The following TACC2 variants were observed in gnomAD, a reference collection of about 807,000 sequenced individuals.
TACC2 encodes transforming acidic coiled-coil containing protein 2, also known as transforming acidic coiled-coil-containing protein 2.
Under a neutral mutation model 227.3 loss-of-function variants are expected in TACC2, and 137 were observed. That is an observed-to-expected ratio of 0.60 (90% CI 0.52 to 0.69). The LOEUF is 0.69. TACC2 is among the 30% of genes least tolerant of loss of function. TACC2 has a pLI of 0.00. For synonymous variants in TACC2, 1,523 were observed against 1,487.5 expected (o/e 1.02, Z -0.55); for missense variants, 3,470 against 3,694.4 (o/e 0.94, Z 1.57).
intron 1 of TACC2, among the ~76,000 whole-genome samples, chr10:122,020,801 GT>G (rs1957239028): frequency 6.6e-6 from 1 of 152,114 alleles, no homozygotes; most frequent in African/African-American, 2.4e-5. Context: ...CTGTAATTTA[GT>G]TTTTCTAACT....
intron 7 of TACC2, among the ~76,000 whole-genome samples, chr10:122,175,431 C>G (rs752013165): frequency 4.2e-4 from 64 of 152,322 alleles, no homozygotes; most frequent in Non-Finnish European, 7.9e-4. Context: ...CCCCTTCATT[C>G]CCGTGCTAAT....
rs767537356 is a variant in TACC2, at chr10:122,087,862, G to A, written c.5362G>A (p.Gly1788Arg). ...QPGPERPIPA[G>R]DGKVCVSSPP... The stretch of plus-strand genomic sequence containing the variant: ...AGGGCCTGAGCGCCCCATTCCAGCT[G>A]GGGATGGGAAGGTGTGCGTCTCCTC... The change falls in exon 4 of 23, where the codon GGG (glycine) becomes AGG (arginine). Residue 1788 changes from glycine (G) to arginine (R), a missense_variant. Physicochemically the swap from Gly to Arg is moderately radical, Grantham distance 125 (BLOSUM62 -2). This residue lies in a region of TACC2 where 1,924 missense variants were observed against 1,978.3 expected (regional missense o/e 0.97). Coordinates refer to ENST00000369005, the MANE Select transcript of TACC2 (RefSeq NM_206862.4). 26 of 1,523,390 alleles carry A rather than the reference G, an allele frequency of 1.7e-5. No individual in the cohort carries two copies. The highest frequency in any genetic ancestry group is 2.1e-5 in the Non-Finnish European group (24 of 1,136,610). 94.4% of individuals were successfully genotyped at this position (1,523,390 alleles called of 1,614,324 possible). A position where few individuals can be genotyped will look rare whatever the true frequency, so the allele number is the denominator to read the frequency against.
intron 7 of TACC2, among the ~76,000 whole-genome samples, chr10:122,187,522 G>A (rs962616178): frequency 4.0e-5 from 6 of 151,188 alleles, no homozygotes; most frequent in African/African-American, 1.5e-4. Flanking sequence ...ACAGAGTCTC[G>A]CTCTGTCGCC....
chr10:122,211,577 C>T lies in TACC2; in HGVS notation c.7152C>T (p.Ser2384=), dbSNP rs375253951. 40 of 1,613,942 alleles carry T rather than the reference C, an allele frequency of 2.5e-5. No individual in the cohort carries two copies. Among genetic ancestry groups the T allele is most frequent in the Non-Finnish European group, 9.3e-6 (11 of 1,180,012 alleles). ...CDESVDPFKT[S]SKTPSSPSKS... is the part of the protein sequence containing the mutation. ...AGTCCGTTGACCCCTTTAAGACATC[C>T]TCTAAGACCCCCAGCTCACCTTCTA... The change falls in exon 9 of 23, where the codon TCC becomes TCT. Residue 2384 remains serine (S), a synonymous_variant. Transcript: ENST00000369005.
intron 5 of TACC2, among the ~76,000 whole-genome samples, chr10:122,105,988 A>C (rs1280934361): frequency 8.0e-6 from 1 of 124,698 alleles, no homozygotes; most frequent in Non-Finnish European, 1.6e-5. Context: ...ATACATATAC[A>C]TTTTTTTTTT....
At chr10:122,155,923 C>T (rs112976712) in intron 7 of TACC2, among the ~76,000 whole-genome samples, 162 of 150,396 alleles carry the variant, frequency 1.1e-3, no homozygotes, top group African/African-American at 3.8e-3. Context: ...CTGCAATCTC[C>T]GCCTCCCGGG....
chr10:122,107,878 A>ATTTTTTTTTTTTTT (rs1204393563), intron 5 of TACC2, among the ~76,000 whole-genome samples: 4 of 88,434 alleles, frequency 4.5e-5, no homozygotes, highest in Non-Finnish European at 6.3e-5. Flanking sequence ...ATATATATAT[A>ATTTTTTTTTTTTTT]TATTTTTTTT....
rs756982546 is a variant in TACC2 at position 122,253,949 on chromosome 10, G to T, written c.8782-42G>T. The T allele has an allele frequency of 1.5e-5, 23 of 1,582,618 alleles. No individual in the cohort carries two copies. The South Asian group carries it at 1.7e-4, about 11-fold the overall frequency. ...GCCCCATGAGCATTCTGACTGGCCA[G>T]ATTTCAAACATCAGCAACTTCTTCC... is the stretch of plus-strand genomic sequence containing the variant. On this transcript the variant is annotated intron_variant, in intron 22 of 22. Transcript: ENST00000369005.
In TACC2 at chr10:122,227,989, C is replaced by T; in HGVS notation, c.7877C>T (p.Pro2626Leu). ...CTGGAGGCCATGGGCTTGGGCACCC[C>T]TTCAGAAGCGATTGAAATTGTAAGT... is the stretch of plus-strand genomic sequence containing the variant. ...KELEAMGLGT[P>L]SEAIEITAPE... The change falls in exon 14 of 23, where the codon CCT (proline) becomes CTT (leucine). Residue 2626 changes from proline (P) to leucine (L), a missense_variant. Around this residue, in one of 10 missense-constraint regions of TACC2, gnomAD observed 345 missense variants for 354.4 expected, o/e 0.97. Transcript: ENST00000369005. 6.2e-7 allele frequency: 1 copy of T among 1,613,340 alleles called. No homozygotes were observed. The highest frequency in any genetic ancestry group is 2.2e-5 in the East Asian group (1 of 44,866).
At chr10:122,248,909 G>A (rs1028799654) in intron 20 of TACC2, 106 bp downstream of exon 20, 94 of 1,524,500 alleles carry the variant, frequency 6.2e-5, no homozygotes, top group Non-Finnish European at 8.4e-5. Context: ...AGCCACCTGC[G>A]AGGAGGGGGT....
chr10:122,208,810 C>T (rs573045483), intron 8 of TACC2, among the ~76,000 whole-genome samples: 7 of 152,302 alleles, frequency 4.6e-5, no homozygotes, highest in African/African-American at 7.2e-5. Context: ...GTGCCAGCTC[C>T]GTTTACTCCT....
chr10:122,072,024 G>T (rs2136745802), intron 3 of TACC2, among the ~76,000 whole-genome samples: 1 of 135,000 alleles, frequency 7.4e-6, no homozygotes, highest in Non-Finnish European at 1.6e-5. Context: ...TGTTGCTCAG[G>T]TTGGAGTGCA....
intron 7 of TACC2, chr10:122,163,727 C>T (rs1158146670): frequency 8.6e-7 from 1 of 1,157,506 alleles, no homozygotes; most frequent in Non-Finnish European, 1.1e-6. Flanking sequence ...ACGCGGCGCT[C>T]GCCCCCCGGC....
chr10:122,038,276 CAAAT>C (rs1207269525), intron 2 of TACC2, among the ~76,000 whole-genome samples: 3 of 152,058 alleles, frequency 2.0e-5, no homozygotes, highest in African/African-American at 4.8e-5. Context: ...TCTCAAAAAA[CAAAT>C]AAACAAACAC....
chr10:122,199,390 C>G (rs113800109), intron 8 of TACC2, among the ~76,000 whole-genome samples: 1 of 152,208 alleles, frequency 6.6e-6, no homozygotes, highest in African/African-American at 2.4e-5. Context: ...TTTCTTTGGG[C>G]CCGCCTCTGG....
At position 122,085,816 on chromosome 10, in the gene TACC2, T is replaced by C; in HGVS notation, c.3316T>C (p.Ser1106Pro). The stretch of plus-strand genomic sequence containing the variant: ...GCAGAAAATGGAGTGCTGGGCCACT[T>C]CGGATGCAGAGTCCCCAAAGCTTCT... ...PQQKMECWAT[S>P]DAESPKLLAS... The change falls in exon 4 of 23, where the codon TCG becomes CCG. Residue 1106 changes from serine (S) to proline (P), a missense_variant. Transcript: ENST00000369005. The C allele has an allele frequency of 6.2e-7, 1 of 1,612,968 alleles. No individual in the cohort carries two copies. Among genetic ancestry groups the C allele is most frequent in the Non-Finnish European group, 8.5e-7 (1 of 1,179,372 alleles).
chr10:122,096,558 G>T (rs1250666591), intron 5 of TACC2, among the ~76,000 whole-genome samples: 2 of 152,112 alleles, frequency 1.3e-5, no homozygotes, highest in Non-Finnish European at 2.9e-5. Context: ...TCGCTGGGCA[G>T]GGTGGTGCAT....
Position 122,085,586 on chromosome 10 carries a change from G to A in TACC2, c.3086G>A (p.Gly1029Asp), listed in dbSNP as rs2080010831. The stretch of plus-strand genomic sequence containing the variant: ...GCTGATGGTTGTTCCCCACTCTGGG[G>A]CTTGAGTAAGAGGGAGATGGCAAGT... ...EAADGCSPLW[G>D]LSKREMASGN... is the part of the protein sequence containing the mutation. Residue 1029 changes from glycine to aspartate, a missense_variant, in exon 4 of 23, where the codon GGC becomes GAC. By Grantham distance (94) the Gly-to-Asp change is moderately conservative. Coordinates refer to ENST00000369005, the MANE Select transcript of TACC2 (RefSeq NM_206862.4). 3.1e-6 allele frequency: 5 copies of A among 1,613,198 alleles called. No homozygotes were observed. In the South Asian group the frequency reaches 3.3e-5, roughly 11 times the overall value.
chr10:122,117,173 C>CTCTCT (rs1049593877), intron 5 of TACC2, among the ~76,000 whole-genome samples: 4 of 151,354 alleles, frequency 2.6e-5, no homozygotes, highest in African/African-American at 9.7e-5. Context: ...AGAGGTCAAC[C>CTCTCT]TCTCTGGTCT....
Sources: gnomAD v4.1 joint callset for allele counts (sites outside exome capture counted in the v4.1 genomes callset) on GRCh38, gnomAD v4.1.1 for gene constraint, gnomAD v4.1.1 regional missense constraint, MANE v1.5 for transcripts, NCBI Gene and HGNC (gene_info 2026-07-23, HGNC 2026-07-21) for gene names.